ELMO2: variants seen among roughly 807,000 people sequenced by gnomAD.
The protein encoded by ELMO2 is engulfment and cell motility 2.
ELMO2 carries 37 observed loss-of-function variants against 96.2 expected under a neutral mutation model. The observed-to-expected ratio is 0.38, with a 90% CI of 0.30 to 0.51. The LOEUF is 0.51. Ranked by LOEUF, ELMO2 falls within the 20% of genes least tolerant of loss-of-function variation. ELMO2 has a pLI of 0.88. For synonymous variants in ELMO2, 315 were observed against 329.4 expected (o/e 0.96, Z 0.47); for missense variants, 561 against 912.6 (o/e 0.61, Z 4.96).
At position 46,375,795 on chromosome 20, in the gene ELMO2, A is replaced by AAAAAGC; in HGVS notation, c.808-11_808-6dup. 6.2e-7 allele frequency: 1 copy of AAAAAGC among 1,614,170 alleles called. No homozygotes were observed. Among genetic ancestry groups the AAAAAGC allele is most frequent in the Middle Eastern group, 1.7e-4 (1 of 6,048 alleles). On this transcript the variant is annotated splice_polypyrimidine_tract_variant and splice_region_variant and intron_variant, in intron 11 of 21. Coordinates refer to ENST00000290246, the MANE Select transcript of ELMO2 (RefSeq NM_133171.5). The surrounding 1 kb of genome is among the most constrained non-coding windows in gnomAD (Gnocchi z 4.6). ...GCGGTTCCCTCGGATCACATGCTAG[A>AAAAAGC]AAAAGCACAGGCAGGGAGCAGGGGA...
intron 6 of ELMO2, among the ~76,000 whole-genome samples, chr20:46,392,502 A>G (rs1412190278): frequency 6.6e-6 from 1 of 152,204 alleles, no homozygotes; most frequent in African/African-American, 2.4e-5. Flanking sequence ...TGATCTTTCT[A>G]AAACTTAAAA....
chr20:46,393,876 C>A, intron 4 of ELMO2, 173 bp downstream of exon 4: 3 of 914,160 alleles, frequency 3.3e-6, no homozygotes, highest in Non-Finnish European at 4.9e-6. Flanking sequence ...GAAGTATAAA[C>A]GTCTTAGGGG....
At chr20:46,376,401 C>T (rs753153152) in intron 11 of ELMO2, among the ~76,000 whole-genome samples, 14 of 151,946 alleles carry the variant, frequency 9.2e-5, no homozygotes, top group African/African-American at 2.9e-4. Context: ...CTCCCTGTGC[C>T]GCCCACACCA....
chr20:46,393,221 A>G, intron 5 of ELMO2, 78 bp from the exon 6 acceptor site: 1 of 1,431,044 alleles, frequency 7.0e-7, no homozygotes, highest in Non-Finnish European at 9.8e-7. Context: ...ATCAACAATA[A>G]TGTTTTGTCT....
chr20:46,405,905 G>T (rs906130119), intron 1 of ELMO2, among the ~76,000 whole-genome samples: 2 of 152,180 alleles, frequency 1.3e-5, no homozygotes, highest in African/African-American at 4.8e-5. Flanking sequence ...AAAAAAAAAG[G>T]AAAGGTTTCT....
At chr20:46,368,737 A>T (rs1830788052) in intron 21 of ELMO2, among the ~76,000 whole-genome samples, 154 bp downstream of exon 21, 1 of 152,118 alleles carries the variant, frequency 6.6e-6, no homozygotes, top group Non-Finnish European at 1.5e-5. Flanking sequence ...TTCCCATCCT[A>T]TTGAAATGCC....
At chr20:46,388,909 G>T in intron 7 of ELMO2, 130 bp downstream of exon 7, 2 of 867,242 alleles carry the variant, frequency 2.3e-6, no homozygotes, top group Non-Finnish European at 3.6e-6. Flanking sequence ...TCTAGTGCTT[G>T]GCACACTGCT....
Position 46,368,929 on chromosome 20 carries a change from C to T in ELMO2, c.1924G>A (p.Asp642Asn). The T allele has an allele frequency of 1.2e-6, 2 of 1,614,206 alleles. No individual in the cohort carries two copies. The highest frequency in any genetic ancestry group is 1.7e-6 in the Non-Finnish European group (2 of 1,180,026). ...GGTGCGATGAAGTTTAAGGTCTCATCAGGGTCATACAGGATGGAGAAGGCC... is the reference window on the plus strand; with the variant it reads ...GGTGCGATGAAGTTTAAGGTCTCATTAGGGTCATACAGGATGGAGAAGGCC... ...ELAFSILYDPDETLNFIAPNK... is the reference protein window; with the variant it reads ...ELAFSILYDPNETLNFIAPNK... Residue 642 changes from aspartate to asparagine, a missense_variant, in exon 21 of 22, where the codon GAT (aspartate) becomes AAT (asparagine). Coordinates refer to ENST00000290246, the MANE Select transcript of ELMO2 (RefSeq NM_133171.5).
In ELMO2 at chr20:46,394,478, G is replaced by A; in HGVS notation, c.5C>T (p.Pro2Leu). 2 of 1,614,180 alleles carry A rather than the reference G, an allele frequency of 1.2e-6. No individual in the cohort carries two copies. Among genetic ancestry groups the A allele is most frequent in the Non-Finnish European group, 1.7e-6 (2 of 1,180,012 alleles). Residue 2 changes from proline (P) to leucine (L), a missense_variant, in exon 3 of 22, where the codon CCA (proline) becomes CTA (leucine). By Grantham distance (98) the Pro-to-Leu change is moderately conservative (BLOSUM62 -3). Coordinates refer to ENST00000290246, the MANE Select transcript of ELMO2 (RefSeq NM_133171.5). M[P>L]PPSDIVKVAI... Reference sequence around the variant, plus strand: ...CACTTTGACAATGTCTGACGGTGGTGGCATCGTTCCCAATGGGCTCTAATT... The same window carrying A: ...CACTTTGACAATGTCTGACGGTGGTAGCATCGTTCCCAATGGGCTCTAATT...
At chr20:46,374,868 G>A (rs527788665) in intron 13 of ELMO2, among the ~76,000 whole-genome samples, 9 of 152,152 alleles carry the variant, frequency 5.9e-5, no homozygotes, top group African/African-American at 2.2e-4. Flanking sequence ...GCTGCACACT[G>A]AGTAGGTACG....
chr20:46,377,627 T>C (rs2059886447), intron 11 of ELMO2, among the ~76,000 whole-genome samples: 1 of 152,264 alleles, frequency 6.6e-6, no homozygotes, highest in Non-Finnish European at 1.5e-5. Context: ...GCCACCATTG[T>C]GGACAGCACT....
chr20:46,393,832 A>G (rs2060199484), intron 4 of ELMO2: 1 of 728,978 alleles, frequency 1.4e-6, no homozygotes, highest in Admixed American at 2.8e-5. Flanking sequence ...TCCTACCTCA[A>G]TAGGGCAATG....
In ELMO2 at chr20:46,367,392, T is replaced by C. The variant is rs1159602575; in HGVS notation, c.2131A>G (p.Ser711Gly). 2.5e-6 allele frequency: 4 copies of C among 1,598,966 alleles called. No individual in the cohort carries two copies. Among genetic ancestry groups the C allele is most frequent in the Non-Finnish European group, 3.4e-6 (4 of 1,173,754 alleles). Reference sequence around the variant, plus strand: ...TAGTGATAGACAAAGTCATAGCTGCTGGGCTCCTTGGGGATGGGGGGTGGG... The same window carrying C: ...TAGTGATAGACAAAGTCATAGCTGCCGGGCTCCTTGGGGATGGGGGGTGGG... ...EAPPPIPKEP[S>G]SYDFVYHYG The change falls in exon 22 of 22, where the codon AGC becomes GGC. Residue 711 changes from serine to glycine, a missense_variant. Coordinates refer to ENST00000290246, the MANE Select transcript of ELMO2 (RefSeq NM_133171.5).
chr20:46,386,199 A>G lies in ELMO2; in HGVS notation c.602T>C (p.Val201Ala). ...QRSLAILESM[V>A]LNSQSLYQKI... is the part of the protein sequence containing the mutation. ...CTGGTACAGACTCTGGCTGTTCAAGACCATGCTCTCCAGGATGGCCAGGGA... is the reference window on the plus strand; with the variant it reads ...CTGGTACAGACTCTGGCTGTTCAAGGCCATGCTCTCCAGGATGGCCAGGGA... The change falls in exon 9 of 22, where the codon GTC (valine) becomes GCC (alanine). Residue 201 changes from valine (V) to alanine (A), a missense_variant. Physicochemically the swap from Val to Ala is moderately conservative, Grantham distance 64. Coordinates refer to ENST00000290246, the MANE Select transcript of ELMO2 (RefSeq NM_133171.5). 1 of 1,614,134 alleles carries G rather than the reference A, an allele frequency of 6.2e-7. No homozygotes were observed. The highest frequency in any genetic ancestry group is 8.5e-7 in the Non-Finnish European group (1 of 1,180,010).
Position 46,366,805 on chromosome 20 carries a change from G to C in ELMO2, c.*555C>G. ...GTGGCTCTAAAGACCAGAGATGTTA[G>C]AGCCAACCTCAGAAGCAGCAACGTC... On this transcript the variant is annotated 3_prime_UTR_variant, in exon 22 of 22. Transcript: ENST00000290246. 1 of 152,728 alleles carries C rather than the reference G, an allele frequency of 6.5e-6. No individual in the cohort carries two copies. The highest frequency in any genetic ancestry group is 1.9e-4 in the East Asian group (1 of 5,192). The allele number at this position is 152,728 out of a possible 1,614,324, so 9.5% of individuals were successfully genotyped here.
At chr20:46,370,562 G>T in intron 19 of ELMO2, 37 bp from the exon 20 acceptor site, 4 of 1,596,558 alleles carry the variant, frequency 2.5e-6, no homozygotes, top group Non-Finnish European at 2.6e-6. Flanking sequence ...GGAAGTTCAT[G>T]CTGCAAGCTG....
intron 10 of ELMO2, among the ~76,000 whole-genome samples, chr20:46,380,626 A>T (rs1349817939): frequency 6.6e-6 from 1 of 152,216 alleles, no homozygotes; most frequent in Non-Finnish European, 1.5e-5. Context: ...TTGCACATGG[A>T]CACAGAGCAG....
chr20:46,369,162 C>T (rs1361869470), intron 20 of ELMO2, 194 bp from the exon 21 acceptor site: 1 of 544,486 alleles, frequency 1.8e-6, no homozygotes, highest in Non-Finnish European at 3.3e-6. Flanking sequence ...CTTACCCACT[C>T]CCTGCCCAAG....
intron 11 of ELMO2, among the ~76,000 whole-genome samples, chr20:46,377,576 AGC>A (rs1431310774): frequency 1.8e-4 from 28 of 152,368 alleles, no homozygotes; most frequent in African/African-American, 6.0e-4. Context: ...TTAGGTCCTC[AGC>A]CACAACAGAC....
Sources: gnomAD v4.1 joint callset for allele counts (sites outside exome capture counted in the v4.1 genomes callset) on GRCh38, gnomAD v4.1.1 for gene constraint, Gnocchi (gnomAD v3.1) non-coding constraint, MANE v1.5 for transcripts, NCBI Gene and HGNC (gene_info 2026-07-23, HGNC 2026-07-21) for gene names.